The following DOCK3 variants were observed in gnomAD, a reference collection of about 807,000 sequenced individuals.
DOCK3 encodes dedicator of cytokinesis protein 3.
DOCK3 carries 60 observed loss-of-function variants against 265.6 expected under a neutral mutation model. That is an observed-to-expected ratio of 0.23 (90% CI 0.18 to 0.28). DOCK3 has a LOEUF of 0.28. DOCK3 is among the 10% of genes least tolerant of loss of function. The pLI is 1.00. For missense variants in DOCK3, 1,981 were observed against 2,594.3 expected, an observed-to-expected ratio of 0.76 and a Z score of 5.14; for synonymous variants, 881 against 938.0, an observed-to-expected ratio of 0.94 and a Z score of 1.11.
chr3:51,219,796 G>A (rs961618643), intron 14 of DOCK3, among the ~76,000 whole-genome samples: 2 of 152,188 alleles, frequency 1.3e-5, no homozygotes, highest in Admixed American at 6.5e-5. Flanking sequence ...CATAGCGCTG[G>A]TCAATCTGAG....
chr3:51,256,354 T>C (rs1343209781), intron 22 of DOCK3, among the ~76,000 whole-genome samples: 1 of 152,214 alleles, frequency 6.6e-6, no homozygotes, highest in African/African-American at 2.4e-5. Context: ...CAGTGCAACC[T>C]CTGCCTCCTG....
At chr3:50,682,843 G>A (rs758241671) in intron 1 of DOCK3, among the ~76,000 whole-genome samples, 33 of 152,368 alleles carry the variant, frequency 2.2e-4, no homozygotes, top group Non-Finnish European at 3.8e-4. Context: ...GAAGGCTGAG[G>A]CAGGAGAATT....
At chr3:50,765,659 T>C (rs1050145292) in intron 1 of DOCK3, among the ~76,000 whole-genome samples, 4 of 152,194 alleles carry the variant, frequency 2.6e-5, no homozygotes, top group Non-Finnish European at 5.9e-5. Context: ...TATGCATGTT[T>C]ATAGGGTACA....
chr3:51,060,393 G>A (rs2081369984), intron 5 of DOCK3, among the ~76,000 whole-genome samples: 1 of 152,084 alleles, frequency 6.6e-6, no homozygotes, highest in Admixed American at 6.5e-5. Context: ...AAGCTCTTTA[G>A]TTTAATTAGA....
chr3:51,366,180 A>G (rs1255752912), intron 49 of DOCK3, among the ~76,000 whole-genome samples: 3 of 152,200 alleles, frequency 2.0e-5, no homozygotes, highest in African/African-American at 7.2e-5. Context: ...TTATTGGTCT[A>G]TTGAGGGATT....
At chr3:50,906,300 G>C (rs891517961) in intron 4 of DOCK3, among the ~76,000 whole-genome samples, 10 of 151,852 alleles carry the variant, frequency 6.6e-5, no homozygotes, top group South Asian at 2.1e-4. Context: ...GGAGGATTCT[G>C]TCTTTTTCTA....
chr3:51,263,930 T>A (rs34251985), intron 23 of DOCK3, among the ~76,000 whole-genome samples: 138,868 of 152,266 alleles, frequency 0.91, 63,472 homozygotes, highest in African/African-American at 0.96. Context: ...GTTCTTAGAG[T>A]CCAATAAAGA....
chr3:50,961,674 T>C (rs974351277), intron 5 of DOCK3, among the ~76,000 whole-genome samples: 3 of 152,210 alleles, frequency 2.0e-5, no homozygotes, highest in Non-Finnish European at 4.4e-5. Context: ...AATTAGACTT[T>C]TGAACCTTAT....
chr3:51,017,020 G>T (rs1388516613), intron 5 of DOCK3, among the ~76,000 whole-genome samples: 2 of 141,376 alleles, frequency 1.4e-5, no homozygotes. Flanking sequence ...TCCTTTCTTT[G>T]CTGGGAGGCT....
intron 26 of DOCK3, 87 bp from the exon 27 acceptor site, chr3:51,280,019 C>T: frequency 1.9e-6 from 2 of 1,048,768 alleles, no homozygotes; most frequent in Non-Finnish European, 2.8e-6. Context: ...ATCTCAGACC[C>T]TCCCTTCTCT....
chr3:50,828,487 C>T (rs2044912813), intron 2 of DOCK3, among the ~76,000 whole-genome samples: 1 of 152,124 alleles, frequency 6.6e-6, no homozygotes, highest in African/African-American at 2.4e-5. Context: ...TCACTGCAAA[C>T]TCTGCCTCCT....
intron 5 of DOCK3, among the ~76,000 whole-genome samples, chr3:51,042,170 T>C (rs1383595382): frequency 6.6e-6 from 1 of 152,162 alleles, no homozygotes; most frequent in African/African-American, 2.4e-5. Flanking sequence ...TGAATATTGA[T>C]GCCAAAATCC....
At chr3:51,017,531 T>C (rs939167728) in intron 5 of DOCK3, among the ~76,000 whole-genome samples, 9 of 151,858 alleles carry the variant, frequency 5.9e-5, no homozygotes, top group African/African-American at 2.2e-4. Flanking sequence ...GCTTTTGCTA[T>C]ATCCAGTAGG....
chr3:51,040,460 TC>T (rs1454177223), intron 5 of DOCK3, among the ~76,000 whole-genome samples: 2 of 152,236 alleles, frequency 1.3e-5, no homozygotes, highest in Non-Finnish European at 2.9e-5. Context: ...TATCATCTGA[TC>T]CTTCAGCCAG....
At chr3:50,794,692 T>C (rs938942640) in intron 2 of DOCK3, among the ~76,000 whole-genome samples, 1 of 152,236 alleles carries the variant, frequency 6.6e-6, no homozygotes, top group African/African-American at 2.4e-5. Flanking sequence ...AGCTTGCTAC[T>C]CTGCACCTTT....
At chr3:50,778,389 A>G (rs1263709250) in intron 1 of DOCK3, among the ~76,000 whole-genome samples, 1 of 152,190 alleles carries the variant, frequency 6.6e-6, no homozygotes, top group Non-Finnish European at 1.5e-5. Flanking sequence ...TGAACACAGG[A>G]TATCCAAGGG....
intron 5 of DOCK3, among the ~76,000 whole-genome samples, chr3:51,014,270 C>T (rs1275224164): frequency 6.6e-6 from 1 of 151,704 alleles, no homozygotes; most frequent in South Asian, 2.1e-4. Context: ...AGCTGCAGAC[C>T]AGAGCTGTTC....
At position 51,064,519 on chromosome 3, in the gene DOCK3, A is replaced by G; in HGVS notation, c.387A>G (p.Leu129=). 6.2e-7 allele frequency: 1 copy of G among 1,613,992 alleles called. No individual in the cohort carries two copies. Among genetic ancestry groups the G allele is most frequent in the Non-Finnish European group, 8.5e-7 (1 of 1,179,876 alleles). ...MNELIDLRRQ[L]LSGHLTQDQV... ...AACTTATTGACCTGCGAAGGCAGCT[A>G]CTGTCTGGTCACCTGACTCAGGATC... Residue 129 remains leucine (L), a synonymous_variant, in exon 6 of 53, where the codon CTA becomes CTG. Coordinates refer to ENST00000266037, the MANE Select transcript of DOCK3 (RefSeq NM_004947.5).
intron 9 of DOCK3, among the ~76,000 whole-genome samples, chr3:51,111,379 A>G (rs908697463): frequency 1.3e-5 from 2 of 152,254 alleles, no homozygotes; most frequent in Non-Finnish European, 2.9e-5. Context: ...GTACAAAAAC[A>G]GACACATAGA....
Sources: gnomAD v4.1 joint callset for allele counts (sites outside exome capture counted in the v4.1 genomes callset) on GRCh38, gnomAD v4.1.1 for gene constraint, MANE v1.5 for transcripts, NCBI Gene and HGNC (gene_info 2026-07-23, HGNC 2026-07-21) for gene names.